Variants in SRD5A3 observed in about 807,000 individuals in gnomAD.
SRD5A3 encodes the protein polyprenal reductase.
Under a neutral mutation model 34.3 loss-of-function variants are expected in SRD5A3, and 24 were observed. The observed-to-expected ratio is 0.70, with a 90% confidence interval of 0.51 to 0.99. The LOEUF is 0.99. Ranked by LOEUF, SRD5A3 falls within the 50% of genes least tolerant of loss-of-function variation. The pLI is 0.00. For missense variants in SRD5A3, 350 were observed against 388.2 expected (o/e 0.90, Z 0.83); for synonymous variants, 161 against 167.3 (o/e 0.96, Z 0.29).
chr4:55,358,046 C>G (rs1317197668), intron 1 of SRD5A3, among the ~76,000 whole-genome samples: 1 of 152,146 alleles, frequency 6.6e-6, no homozygotes, highest in Non-Finnish European at 1.5e-5. Context: ...GTTTAATCCT[C>G]TTTTGGCTCT....
chr4:55,354,192 G>A (rs1448313418), intron 1 of SRD5A3, among the ~76,000 whole-genome samples: 1 of 152,096 alleles, frequency 6.6e-6, no homozygotes, highest in Non-Finnish European at 1.5e-5. Context: ...CCATCTCCTG[G>A]GTTCAAGTGA....
intron 1 of SRD5A3, among the ~76,000 whole-genome samples, chr4:55,353,854 A>AT (rs1233818989): frequency 2.0e-5 from 3 of 152,122 alleles, no homozygotes; most frequent in African/African-American, 7.2e-5. Flanking sequence ...TGGACACACC[A>AT]TTTTTAAGAA....
chr4:55,348,712 A>G (rs900665755), intron 1 of SRD5A3, among the ~76,000 whole-genome samples: 1 of 152,142 alleles, frequency 6.6e-6, no homozygotes, highest in Non-Finnish European at 1.5e-5. Context: ...GGGAGATGTT[A>G]TTGTCATTAT....
rs536804526 is a variant in SRD5A3, at chr4:55,348,365, G to A, written c.221+1808G>A. On this transcript the variant is annotated intron_variant, in intron 1 of 4. Transcript: ENST00000264228. ...AAAAAAGATAACTTGCATCAAAACT[G>A]GCAGTGTCTCCAAAAAATTAATACA... Among the ~76,000 whole-genome samples, 18 of 152,120 alleles carry A rather than the reference G, an allele frequency of 1.2e-4. No homozygotes were observed. In the South Asian group the frequency reaches 3.7e-3, roughly 32 times the overall value.
chr4:55,354,060 C>T (rs1020780971), intron 1 of SRD5A3, among the ~76,000 whole-genome samples: 2 of 152,164 alleles, frequency 1.3e-5, no homozygotes, highest in South Asian at 2.1e-4. Flanking sequence ...CCCATAACAC[C>T]TGGGGCCTGG....
intron 1 of SRD5A3, among the ~76,000 whole-genome samples, chr4:55,350,283 T>C (rs1350193809): frequency 6.6e-6 from 1 of 152,152 alleles, no homozygotes; most frequent in Non-Finnish European, 1.5e-5. Context: ...GGTAGGAGAA[T>C]AGCTTGAACC....
chr4:55,346,515 C>T lies in SRD5A3; in HGVS notation c.179C>T (p.Pro60Leu). ...TATGGGAAAACCAAGTGTGGGGAGCCGTCGCGCCCCGCCGCCTGCCGAGCC... is the reference window on the plus strand; with the variant it reads ...TATGGGAAAACCAAGTGTGGGGAGCTGTCGCGCCCCGCCGCCTGCCGAGCC... ...IRYGKTKCGEPSRPAACRAFD... is the reference protein window; with the variant it reads ...IRYGKTKCGELSRPAACRAFD... Residue 60 changes from proline to leucine, a missense_variant, in exon 1 of 5, where the codon CCG becomes CTG. Pro to Leu is a moderately conservative substitution (Grantham distance 98). Around this residue, in one of 3 missense-constraint regions of SRD5A3, gnomAD observed 159 missense variants for 149.1 expected, o/e 1.07. Coordinates refer to ENST00000264228, the MANE Select transcript of SRD5A3 (RefSeq NM_024592.5). 1 of 1,598,730 alleles carries T rather than the reference C, an allele frequency of 6.3e-7. No individual in the cohort carries two copies.
At chr4:55,352,119 T>C in intron 1 of SRD5A3, 2 of 795,506 alleles carry the variant, frequency 2.5e-6, no homozygotes, top group Non-Finnish European at 4.6e-6. Flanking sequence ...GGAATACACT[T>C]GGTATACAGA....
rs1472601636 is a variant in SRD5A3, at chr4:55,346,300, G to C, written c.-37G>C. The C allele has an allele frequency of 7.3e-7, 1 of 1,372,932 alleles. No individual in the cohort carries two copies. Among genetic ancestry groups the C allele is most frequent in the African/African-American group, 1.5e-5 (1 of 65,500 alleles). The allele number at this position is 1,372,932 out of a possible 1,614,324, so 85.0% of individuals were successfully genotyped here. A position where few individuals can be genotyped will look rare whatever the true frequency, so the allele number is the denominator to read the frequency against. On this transcript the variant is annotated 5_prime_UTR_variant, in exon 1 of 5. Coordinates refer to ENST00000264228, the MANE Select transcript of SRD5A3 (RefSeq NM_024592.5). ...GCTCTTCCGCGGGCTAGCGGGCGGTGGGGGCGCCAGCAGCGCGGAAGGCGG... is the reference window on the plus strand; with the variant it reads ...GCTCTTCCGCGGGCTAGCGGGCGGTCGGGGCGCCAGCAGCGCGGAAGGCGG...
chr4:55,356,563 C>A (rs1719469526), intron 1 of SRD5A3, among the ~76,000 whole-genome samples: 1 of 152,098 alleles, frequency 6.6e-6, no homozygotes, highest in South Asian at 2.1e-4. Flanking sequence ...TCACCACTTA[C>A]TGCAGCCTCA....
At position 55,349,987 on chromosome 4, in the gene SRD5A3, A is replaced by T. The variant is rs1449316789; in HGVS notation, c.221+3430A>T. Among the ~76,000 whole-genome samples the T allele has an allele frequency of 3.3e-5, 5 of 152,138 alleles. No individual in the cohort carries two copies. In the East Asian group the frequency reaches 9.6e-4, roughly 29 times the overall value. ...TTTTTATATTACATTAAGAATATTGATGATACCTCAAAATATTACTGTTTT... is the reference window on the plus strand; with the variant it reads ...TTTTTATATTACATTAAGAATATTGTTGATACCTCAAAATATTACTGTTTT... On this transcript the variant is annotated intron_variant, in intron 1 of 4. Coordinates refer to ENST00000264228, the MANE Select transcript of SRD5A3 (RefSeq NM_024592.5).
chr4:55,346,280 T>A lies in SRD5A3; in HGVS notation c.-57T>A. The A allele has an allele frequency of 7.4e-7, 1 of 1,344,022 alleles. No homozygotes were observed. Among genetic ancestry groups the A allele is most frequent in the Non-Finnish European group, 9.5e-7 (1 of 1,050,764 alleles). The allele number at this position is 1,344,022 out of a possible 1,614,324, so 83.3% of individuals were successfully genotyped here. A position where few individuals can be genotyped will look rare whatever the true frequency, so the allele number is the denominator to read the frequency against. The stretch of plus-strand genomic sequence containing the variant: ...TGCGCCGCGCGCTAGTGGCCGCTCT[T>A]CCGCGGGCTAGCGGGCGGTGGGGGC... On this transcript the variant is annotated 5_prime_UTR_variant, in exon 1 of 5. Transcript: ENST00000264228.
Position 55,359,438 on chromosome 4 carries a change from C to A in SRD5A3, c.314C>A (p.Pro105Gln). The change falls in exon 2 of 5, where the codon CCA becomes CAA. Residue 105 changes from proline (P) to glutamine (Q), a missense_variant. Transcript: ENST00000264228. ...TCTCTGTTCCTGGGAGCACCTTTTC[C>A]AAGCTGGCTTCATGGTTTGCTCAGA... ...TQSLFLGAPF[P>Q]SWLHGLLRIL... The A allele has an allele frequency of 6.2e-7, 1 of 1,613,988 alleles. No individual in the cohort carries two copies. Among genetic ancestry groups the A allele is most frequent in the East Asian group, 2.2e-5 (1 of 44,882 alleles).
intron 4 of SRD5A3, chr4:55,369,541 G>A: frequency 2.5e-6 from 1 of 404,594 alleles, no homozygotes; most frequent in Non-Finnish European, 4.5e-6. Context: ...ACCAACCTGG[G>A]CAACATAGGC....
rs571960553 is a variant in SRD5A3 at position 55,364,023 on chromosome 4, T to C, written c.365-51T>C. 2.5e-6 allele frequency: 4 copies of C among 1,596,172 alleles called. No individual in the cohort carries two copies. The South Asian group carries it at 3.3e-5, about 13-fold the overall frequency. On this transcript the variant is annotated intron_variant, in intron 2 of 4. Transcript: ENST00000264228. ...TTAACAGTACAGAAAAACAAAACTTTGGATTAATCCCAGAAGAGAAATGCT... is the reference window on the plus strand; with the variant it reads ...TTAACAGTACAGAAAAACAAAACTTCGGATTAATCCCAGAAGAGAAATGCT...
At chr4:55,355,730 T>A (rs1330399466) in intron 1 of SRD5A3, among the ~76,000 whole-genome samples, 1 of 152,214 alleles carries the variant, frequency 6.6e-6, no homozygotes, top group Non-Finnish European at 1.5e-5. Flanking sequence ...TGATTTTAAC[T>A]TCACAGTCAG....
intron 1 of SRD5A3, among the ~76,000 whole-genome samples, chr4:55,353,051 A>ATTGTGTGAT (rs1719257465): frequency 6.6e-6 from 1 of 152,154 alleles, no homozygotes; most frequent in South Asian, 2.1e-4. Flanking sequence ...GAGGCATTGC[A>ATTGTGTGAT]TTGTGTGATT....
intron 1 of SRD5A3, among the ~76,000 whole-genome samples, chr4:55,355,500 G>T: frequency 6.6e-6 from 1 of 151,654 alleles, no homozygotes; most frequent in East Asian, 1.9e-4. Flanking sequence ...GGGAAATCAG[G>T]CAAGCAAAAC....
intron 1 of SRD5A3, among the ~76,000 whole-genome samples, chr4:55,348,865 T>C (rs151069618): frequency 9.2e-5 from 14 of 152,330 alleles, no homozygotes; most frequent in African/African-American, 3.4e-4. Context: ...GTGGGAAATA[T>C]CTTGTACCAT....
Sources: allele counts gnomAD v4.1 joint callset (sites outside exome capture counted in the v4.1 genomes callset), GRCh38; gene constraint gnomAD v4.1.1; regional missense constraint gnomAD v4.1.1; transcripts MANE v1.5; gene names NCBI Gene and HGNC (gene_info 2026-07-23, HGNC 2026-07-21).